FUT9: variants seen among roughly 807,000 people sequenced by gnomAD.
The protein encoded by FUT9 is fucosyltransferase 9.
Under a neutral mutation model 29.7 loss-of-function variants are expected in FUT9, and 15 were observed. The observed-to-expected ratio is 0.51, with a 90% confidence interval of 0.34 to 0.78. FUT9 has a LOEUF of 0.78. Ranked by LOEUF, FUT9 falls within the 30% of genes least tolerant of loss-of-function variation. The pLI is 0.01. For missense variants in FUT9, 319 were observed against 425.4 expected (o/e 0.75, Z 2.20); for synonymous variants, 169 against 153.7 (o/e 1.10, Z -0.74).
intron 2 of FUT9, among the ~76,000 whole-genome samples, chr6:96,181,492 T>A (rs1236240209): frequency 2.6e-5 from 4 of 151,854 alleles, no homozygotes; most frequent in Non-Finnish European, 5.9e-5. Context: ...TTTGGTTACA[T>A]GAGTAAGTTA....
chr6:96,120,713 A>ATTT (rs11440295), intron 2 of FUT9, among the ~76,000 whole-genome samples: 1 of 145,558 alleles, frequency 6.9e-6, no homozygotes, highest in African/African-American at 2.6e-5. Flanking sequence ...CATTAAGCAC[A>ATTT]TTTTTTTTTT....
intron 1 of FUT9, among the ~76,000 whole-genome samples, chr6:96,032,607 T>C (rs1419124684): frequency 1.3e-5 from 2 of 151,584 alleles, no homozygotes. Context: ...AATATAACTT[T>C]GAAAATTTTA....
chr6:96,090,238 A>G (rs2127953582), intron 1 of FUT9, among the ~76,000 whole-genome samples: 1 of 152,224 alleles, frequency 6.6e-6, no homozygotes, highest in South Asian at 2.1e-4. Context: ...TCTTGTATAT[A>G]CTTTTTCTGA....
chr6:96,066,126 T>A (rs72926062), intron 1 of FUT9, among the ~76,000 whole-genome samples: 6,333 of 152,190 alleles, frequency 0.042, 175 homozygotes, highest in South Asian at 0.12. Context: ...GATTTTTGAG[T>A]GGTTATTGTG....
At chr6:96,117,688 A>C (rs1035202905) in intron 2 of FUT9, among the ~76,000 whole-genome samples, 1 of 152,196 alleles carries the variant, frequency 6.6e-6, no homozygotes, top group Non-Finnish European at 1.5e-5. Context: ...ACATAGAACA[A>C]TCTTACTTCA....
intron 2 of FUT9, among the ~76,000 whole-genome samples, chr6:96,202,514 A>T (rs1773743863): frequency 1.3e-5 from 2 of 152,130 alleles, no homozygotes; most frequent in African/African-American, 4.8e-5. Context: ...AAAACAAAAC[A>T]CTGTGAGTTT....
At chr6:96,066,697 T>C (rs955463689) in intron 1 of FUT9, among the ~76,000 whole-genome samples, 1 of 150,022 alleles carries the variant, frequency 6.7e-6, no homozygotes, top group Admixed American at 6.9e-5. Context: ...AGTAAGCTGA[T>C]AGAGTACATA....
At chr6:96,050,338 A>G (rs1770642983) in intron 1 of FUT9, among the ~76,000 whole-genome samples, 1 of 152,194 alleles carries the variant, frequency 6.6e-6, no homozygotes, top group African/African-American at 2.4e-5. Context: ...ACCATTTTAA[A>G]AATTTTGAAC....
chr6:96,137,187 G>T (rs1395526188), intron 2 of FUT9, among the ~76,000 whole-genome samples: 3 of 151,818 alleles, frequency 2.0e-5, no homozygotes, highest in Admixed American at 2.0e-4. Flanking sequence ...AAAAGCAAAA[G>T]AATGGGAGCC....
chr6:96,114,599 A>G (rs2127962123), intron 2 of FUT9, among the ~76,000 whole-genome samples: 1 of 151,152 alleles, frequency 6.6e-6, no homozygotes, highest in East Asian at 1.9e-4. Flanking sequence ...ATTCTTACAT[A>G]TGAATATAAG....
intron 2 of FUT9, among the ~76,000 whole-genome samples, chr6:96,119,205 C>G (rs1771973150): frequency 1.3e-5 from 2 of 152,318 alleles, no homozygotes; most frequent in South Asian, 4.1e-4. Flanking sequence ...GTGCAACTTC[C>G]AGTCCTGCAA....
At chr6:96,147,745 A>G (rs1326071969) in intron 2 of FUT9, among the ~76,000 whole-genome samples, 2 of 151,692 alleles carry the variant, frequency 1.3e-5, no homozygotes, top group African/African-American at 2.4e-5. Flanking sequence ...GAGTTTTTCA[A>G]AAAATCTCAT....
At chr6:96,068,884 A>G (rs1771005691) in intron 1 of FUT9, among the ~76,000 whole-genome samples, 1 of 152,236 alleles carries the variant, frequency 6.6e-6, no homozygotes, top group African/African-American at 2.4e-5. Context: ...GAAAAAAAGA[A>G]GTAAAATTGT....
intron 1 of FUT9, among the ~76,000 whole-genome samples, chr6:96,031,492 G>A (rs1031265617): frequency 6.6e-6 from 1 of 151,420 alleles, no homozygotes; most frequent in Non-Finnish European, 1.5e-5. Flanking sequence ...TTACCTTTAA[G>A]TAGAGTTAGG....
At chr6:96,017,180 T>C (rs1769995591) in intron 1 of FUT9, among the ~76,000 whole-genome samples, 3 of 152,190 alleles carry the variant, frequency 2.0e-5, no homozygotes, top group African/African-American at 7.2e-5. Flanking sequence ...ACTTACCCTT[T>C]AAAATCTTCT....
At chr6:96,055,961 A>G (rs985539795) in intron 1 of FUT9, among the ~76,000 whole-genome samples, 15 of 152,074 alleles carry the variant, frequency 9.9e-5, no homozygotes, top group African/African-American at 3.6e-4. Flanking sequence ...ATTTATCAAA[A>G]TATCAAAATA....
At chr6:96,053,518 C>T (rs1198196576) in intron 1 of FUT9, among the ~76,000 whole-genome samples, 1 of 152,096 alleles carries the variant, frequency 6.6e-6, no homozygotes, top group Non-Finnish European at 1.5e-5. Context: ...ACCCTCCTGG[C>T]TAGCACGGTG....
At position 96,208,185 on chromosome 6, in the gene FUT9, A is replaced by G. The variant is rs188192149; in HGVS notation, c.*3950A>G. The G allele has an allele frequency of 8.6e-5, 14 of 162,378 alleles. No homozygotes were observed. The highest frequency in any genetic ancestry group is 1.5e-4 in the Non-Finnish European group (10 of 66,792). 10.1% of individuals were successfully genotyped at this position (162,378 alleles called of 1,614,324 possible). ...TACCTCCAATTGGAGGTTAAATATT[A>G]AAAGAATAGGAAACTATGCCTCTGA... On this transcript the variant is annotated 3_prime_UTR_variant, in exon 3 of 3. Transcript: ENST00000302103.
intron 2 of FUT9, among the ~76,000 whole-genome samples, chr6:96,193,401 C>G (rs1309616739): frequency 7.5e-6 from 1 of 133,712 alleles, no homozygotes; most frequent in Non-Finnish European, 1.6e-5. Context: ...AGGATGTGAA[C>G]AGACACTTCT....
Sources: gnomAD v4.1 joint callset for allele counts (sites outside exome capture counted in the v4.1 genomes callset) on GRCh38, gnomAD v4.1.1 for gene constraint, MANE v1.5 for transcripts, NCBI Gene and HGNC (gene_info 2026-07-23, HGNC 2026-07-21) for gene names.